NEK7: variants seen among roughly 807,000 people sequenced by gnomAD.
NEK7 encodes the protein serine/threonine-protein kinase Nek7.
In NEK7, 18 loss-of-function variants were observed where a neutral mutation model predicts 44.6. The ratio of observed to expected loss-of-function variants is 0.40; its 90% CI spans 0.28 to 0.60. The LOEUF (loss-of-function observed/expected upper bound fraction) is 0.60, where lower values mean the gene tolerates loss of function less well. NEK7 is among the 20% of genes least tolerant of loss of function. NEK7 has a pLI of 0.38. For missense variants in NEK7, 256 were observed against 366.5 expected (o/e 0.70, Z 2.46); for synonymous variants, 130 against 121.1 (o/e 1.07, Z -0.48).
At chr1:198,263,378 T>C (rs957109660) in intron 4 of NEK7, among the ~76,000 whole-genome samples, 2 of 151,926 alleles carry the variant, frequency 1.3e-5, no homozygotes, top group East Asian at 3.9e-4. Flanking sequence ...CTTAAATATA[T>C]GTAAACTTTT....
chr1:198,312,144 A>G (rs1040975283), intron 9 of NEK7, among the ~76,000 whole-genome samples: 1 of 152,124 alleles, frequency 6.6e-6, no homozygotes, highest in Admixed American at 6.5e-5. Flanking sequence ...CAGAGATTCA[A>G]CTTCTTCCTG....
chr1:198,203,855 GTCCTTCCT>G (rs750814110), intron 1 of NEK7, among the ~76,000 whole-genome samples: 1 of 151,912 alleles, frequency 6.6e-6, no homozygotes, highest in Non-Finnish European at 1.5e-5. Context: ...GTGTGTGTGT[GTCCTTCCT>G]TCCTTCCTTC....
chr1:198,239,677 A>G (rs1023690668), intron 2 of NEK7, among the ~76,000 whole-genome samples: 4 of 152,040 alleles, frequency 2.6e-5, no homozygotes, highest in African/African-American at 7.3e-5. Flanking sequence ...ATAAAGGGTA[A>G]TCAGCAAATG....
intron 8 of NEK7, among the ~76,000 whole-genome samples, chr1:198,295,056 A>G (rs948867234): frequency 1.1e-4 from 16 of 151,956 alleles, no homozygotes; most frequent in Admixed American, 7.2e-4. Flanking sequence ...TTAAACTCAG[A>G]AAATTAGACT....
At chr1:198,241,401 G>A (rs529322185) in intron 2 of NEK7, among the ~76,000 whole-genome samples, 1 of 152,310 alleles carries the variant, frequency 6.6e-6, no homozygotes, top group African/African-American at 2.4e-5. Context: ...TGGGGCACAA[G>A]TAAATAGAGG....
intron 1 of NEK7, among the ~76,000 whole-genome samples, chr1:198,174,720 G>T (rs570530490): frequency 6.6e-6 from 1 of 151,976 alleles, no homozygotes; most frequent in East Asian, 1.9e-4. Flanking sequence ...AGGAATAATG[G>T]ATAGGAAAGC....
At chr1:198,213,119 T>C (rs149345650) in intron 1 of NEK7, among the ~76,000 whole-genome samples, 16 of 152,300 alleles carry the variant, frequency 1.1e-4, no homozygotes, top group Non-Finnish European at 1.6e-4. Context: ...CTTGCAGATA[T>C]TCCACAGCAC....
At chr1:198,318,128 C>T (rs1655430168) in intron 9 of NEK7, among the ~76,000 whole-genome samples, 2 of 152,062 alleles carry the variant, frequency 1.3e-5, no homozygotes, top group African/African-American at 4.8e-5. Flanking sequence ...AAATTTCATT[C>T]TGCTAGAATC....
intron 1 of NEK7, among the ~76,000 whole-genome samples, chr1:198,199,720 C>T (rs1665361024): frequency 6.6e-6 from 1 of 151,940 alleles, no homozygotes; most frequent in Non-Finnish European, 1.5e-5. Context: ...GTCTTAAAAG[C>T]TACTTTGTCT....
chr1:198,277,911 G>T, intron 5 of NEK7, 50 bp from the exon 6 acceptor site: 3 of 1,076,612 alleles, frequency 2.8e-6, no homozygotes, highest in Non-Finnish European at 2.8e-6. Flanking sequence ...CCAGAATCCA[G>T]TCTTGAGAAA....
intron 9 of NEK7, among the ~76,000 whole-genome samples, chr1:198,298,513 T>C (rs1027336578): frequency 6.6e-6 from 1 of 152,222 alleles, no homozygotes; most frequent in Non-Finnish European, 1.5e-5. Flanking sequence ...GTATTATCTT[T>C]ATTTGATGTT....
At chr1:198,216,008 A>AT in intron 1 of NEK7, among the ~76,000 whole-genome samples, 1 of 152,258 alleles carries the variant, frequency 6.6e-6, no homozygotes, top group Non-Finnish European at 1.5e-5. Context: ...TGAAGCAGAA[A>AT]TTTAACAAAG....
intron 2 of NEK7, among the ~76,000 whole-genome samples, chr1:198,237,755 C>A (rs951825146): frequency 6.6e-6 from 1 of 152,138 alleles, no homozygotes; most frequent in African/African-American, 2.4e-5. Context: ...CTGTTTAAAG[C>A]CTTTCAGTAG....
At chr1:198,252,553 TATATATATATATATAA>T (rs1393557312) in intron 2 of NEK7, among the ~76,000 whole-genome samples, 3 of 61,786 alleles carry the variant, frequency 4.9e-5, no homozygotes, top group Non-Finnish European at 7.6e-5. Flanking sequence ...TATATATATA[TATATATATATATATAA>T]AAAGTACATA....
intron 2 of NEK7, among the ~76,000 whole-genome samples, chr1:198,235,670 G>A (rs1213256614): frequency 6.6e-6 from 1 of 152,098 alleles, no homozygotes; most frequent in Non-Finnish European, 1.5e-5. Context: ...GGTGAAGATG[G>A]CTATGGTAGA....
At chr1:198,312,208 T>G (rs1021956901) in intron 9 of NEK7, among the ~76,000 whole-genome samples, 5 of 152,050 alleles carry the variant, frequency 3.3e-5, no homozygotes, top group African/African-American at 1.2e-4. Context: ...TCTTCTAGAT[T>G]TTCTAGTTTA....
chr1:198,277,671 T>A (rs1447314022), intron 5 of NEK7: 1 of 197,028 alleles, frequency 5.1e-6, no homozygotes, highest in African/African-American at 2.3e-5. Context: ...GACATCTTCC[T>A]TTTAAGACAA....
chr1:198,253,177 G>T lies in NEK7; in HGVS notation c.195G>T (p.Val65=). 2 of 1,596,516 alleles carry T rather than the reference G, an allele frequency of 1.3e-6. No homozygotes were observed. The highest frequency in any genetic ancestry group is 1.7e-6 in the Non-Finnish European group (2 of 1,168,868). ...LDGVPVALKK[V]QIFDLMDAKA... ...GAGTACCAGTAGCTTTAAAAAAAGT[G>T]CAGGTAAGATGACTTTAATTATATA... Residue 65 remains valine, a synonymous_variant, in exon 3 of 10, where the codon GTG becomes GTT. Transcript: ENST00000367385.
chr1:198,223,041 G>A (rs2102849160), intron 1 of NEK7, among the ~76,000 whole-genome samples: 1 of 152,238 alleles, frequency 6.6e-6, no homozygotes, highest in East Asian at 1.9e-4. Flanking sequence ...AAGGAGTTCA[G>A]TGCTGATGGA....
Sources: allele counts gnomAD v4.1 joint callset (sites outside exome capture counted in the v4.1 genomes callset), GRCh38; gene constraint gnomAD v4.1.1; transcripts MANE v1.5; gene names NCBI Gene and HGNC (gene_info 2026-07-23, HGNC 2026-07-21).